The following EHF variants were observed in gnomAD, a reference collection of about 807,000 sequenced individuals.
EHF encodes the protein ETS homologous factor.
In EHF, 14 loss-of-function variants were observed where a neutral mutation model predicts 45.1. The observed-to-expected ratio is 0.31, with a 90% CI of 0.21 to 0.49. The LOEUF is 0.49. Ranked by LOEUF, EHF falls within the 20% of genes least tolerant of loss-of-function variation. EHF has a pLI of 0.99. For synonymous variants in EHF, 136 were observed against 131.8 expected (o/e 1.03, Z -0.22); for missense variants, 282 against 371.4 (o/e 0.76, Z 1.98).
At chr11:34,631,220 C>T (rs1028954883) in intron 1 of EHF, among the ~76,000 whole-genome samples, 10 of 152,060 alleles carry the variant, frequency 6.6e-5, no homozygotes, top group East Asian at 1.9e-4. Flanking sequence ...TTAGTAGAGA[C>T]GGGGTTTCAC....
In EHF at chr11:34,663,056, A is replaced by T. The variant is rs1300739936; in HGVS notation, c.*4125A>T. On this transcript the variant is annotated 3_prime_UTR_variant, in exon 9 of 9. Transcript: ENST00000257831. ...AATTGGGATTAATCTTTCTGTAGTTATCTGCATAATTCTTGTTTTTCTTTC... is the reference window on the plus strand; with the variant it reads ...AATTGGGATTAATCTTTCTGTAGTTTTCTGCATAATTCTTGTTTTTCTTTC... Among the ~76,000 whole-genome samples, 1 of 152,144 alleles carries T rather than the reference A, an allele frequency of 6.6e-6. No homozygotes were observed.
At chr11:34,631,623 T>A (rs1852896519) in intron 1 of EHF, 1 of 968,934 alleles carries the variant, frequency 1.0e-6, no homozygotes, top group African/African-American at 1.8e-5. Flanking sequence ...ACAGCCCGAT[T>A]TTGAGGTAGG....
intron 1 of EHF, among the ~76,000 whole-genome samples, chr11:34,627,990 G>A (rs2133987032): frequency 6.6e-6 from 1 of 152,256 alleles, no homozygotes; most frequent in Non-Finnish European, 1.5e-5. Flanking sequence ...CACATATATT[G>A]TTATCAGGTT....
At chr11:34,623,635 A>G (rs1852137206) in intron 1 of EHF, among the ~76,000 whole-genome samples, 1 of 152,250 alleles carries the variant, frequency 6.6e-6, no homozygotes, top group South Asian at 2.1e-4. Flanking sequence ...CAATTAGCGA[A>G]TTGGAAACTG....
At chr11:34,632,774 G>C in intron 1 of EHF, 1 of 1,198,896 alleles carries the variant, frequency 8.3e-7, no homozygotes, top group Non-Finnish European at 1.2e-6. Context: ...TATTATTTTG[G>C]AAGCCGTGTC....
chr11:34,655,272 C>T (rs555608075), intron 6 of EHF, among the ~76,000 whole-genome samples: 160 of 152,204 alleles, frequency 1.1e-3, no homozygotes, highest in African/African-American at 3.6e-3. Context: ...CATGACGTTT[C>T]GAGAAATTGC....
In EHF at chr11:34,660,418, A is replaced by T. The variant is rs566890588; in HGVS notation, c.*1487A>T. Reference sequence around the variant, plus strand: ...CCCAGGTGAACGGTTTATTGCCTAGATTTGTACTCAGAGGAATTTTTTTTG... The same window carrying T: ...CCCAGGTGAACGGTTTATTGCCTAGTTTTGTACTCAGAGGAATTTTTTTTG... On this transcript the variant is annotated 3_prime_UTR_variant, in exon 9 of 9. Transcript: ENST00000257831. 6.6e-6 allele frequency: 1 copy of T among 152,186 alleles called. No homozygotes were observed. Among genetic ancestry groups the T allele is most frequent in the African/African-American group, 2.4e-5 (1 of 41,528 alleles). 9.4% of individuals were successfully genotyped at this position (152,186 alleles called of 1,614,324 possible).
chr11:34,653,773 CTT>C (rs1413983674), intron 6 of EHF, among the ~76,000 whole-genome samples: 2 of 152,170 alleles, frequency 1.3e-5, no homozygotes, highest in Non-Finnish European at 2.9e-5. Context: ...TTGCCTGAGT[CTT>C]TATTTTTCGA....
intron 1 of EHF, among the ~76,000 whole-genome samples, chr11:34,626,225 C>T (rs911452977): frequency 3.3e-5 from 5 of 152,136 alleles, no homozygotes; most frequent in Non-Finnish European, 5.9e-5. Flanking sequence ...TCTTGTTGGC[C>T]CAACTGTGGC....
intron 6 of EHF, among the ~76,000 whole-genome samples, chr11:34,654,562 A>G (rs1011167244): frequency 1.3e-5 from 2 of 152,196 alleles, no homozygotes; most frequent in East Asian, 3.8e-4. Flanking sequence ...GATTAAAAAA[A>G]GAACGTTCCT....
At chr11:34,633,569 G>A (rs983149729) in intron 1 of EHF, among the ~76,000 whole-genome samples, 1 of 152,138 alleles carries the variant, frequency 6.6e-6, no homozygotes, top group Non-Finnish European at 1.5e-5. Flanking sequence ...CTGAGCATTA[G>A]GACCTATTTT....
intron 7 of EHF, among the ~76,000 whole-genome samples, chr11:34,658,314 C>T (rs2134240068): frequency 6.6e-6 from 1 of 152,212 alleles, no homozygotes; most frequent in African/African-American, 2.4e-5. Context: ...GTTCTCTGTG[C>T]CTCGGTTTCC....
chr11:34,645,772 G>A (rs1854448235), intron 2 of EHF, among the ~76,000 whole-genome samples: 1 of 152,216 alleles, frequency 6.6e-6, no homozygotes, highest in Non-Finnish European at 1.5e-5. Context: ...GTTACTTGAA[G>A]AAGAGTTAGT....
intron 1 of EHF, among the ~76,000 whole-genome samples, chr11:34,638,887 G>A (rs538454333): frequency 6.6e-6 from 1 of 152,284 alleles, no homozygotes; most frequent in East Asian, 1.9e-4. Flanking sequence ...TCTGAACTGG[G>A]GATTCAGTCC....
intron 6 of EHF, among the ~76,000 whole-genome samples, chr11:34,655,034 G>T (rs571357577): frequency 1.3e-5 from 2 of 152,282 alleles, no homozygotes; most frequent in Admixed American, 1.3e-4. Flanking sequence ...TGCCAGACCT[G>T]TCGCAATATT....
rs1258094180 is a variant in EHF, at chr11:34,647,097, A to C, written c.343+413A>C. Among the ~76,000 whole-genome samples, 549 of 139,502 alleles carry C rather than the reference A, an allele frequency of 3.9e-3. 2 individuals are homozygous for C. Among genetic ancestry groups the C allele is most frequent in the Middle Eastern group, 7.4e-3 (2 of 270 alleles). The allele number at this position is 139,502 out of a possible 152,430, so 91.5% of individuals were successfully genotyped here. On this transcript the variant is annotated intron_variant, in intron 3 of 8. Transcript: ENST00000257831. ...AAACAAAACAAAACCCCCCCCACAC[A>C]CACACACAAAGAACCTTCTAGACCT...
intron 1 of EHF, among the ~76,000 whole-genome samples, chr11:34,634,873 G>T (rs1853239431): frequency 6.6e-6 from 1 of 152,122 alleles, no homozygotes; most frequent in African/African-American, 2.4e-5. Context: ...GTCTTCTCTG[G>T]CAAAGCACCC....
At chr11:34,648,502 TCA>T (rs1854806685) in intron 3 of EHF, among the ~76,000 whole-genome samples, 1 of 152,166 alleles carries the variant, frequency 6.6e-6, no homozygotes, top group Admixed American at 6.5e-5. Context: ...CAGACATATC[TCA>T]CAGATTGGAT....
chr11:34,626,942 CTGTTG>C (rs752581666), intron 1 of EHF, among the ~76,000 whole-genome samples: 33 of 152,132 alleles, frequency 2.2e-4, no homozygotes, highest in Non-Finnish European at 3.8e-4. Flanking sequence ...CTGCATTGGG[CTGTTG>C]TAAAGATTAA....
Sources: gnomAD v4.1 joint callset for allele counts (sites outside exome capture counted in the v4.1 genomes callset) on GRCh38, gnomAD v4.1.1 for gene constraint, MANE v1.5 for transcripts, NCBI Gene and HGNC (gene_info 2026-07-23, HGNC 2026-07-21) for gene names.